Variants in SBF2 observed in about 807,000 individuals in gnomAD.
The protein encoded by SBF2 is myotubularin-related protein 13.
A neutral mutation model predicts 225.2 loss-of-function variants in SBF2; 112 were observed. That is an observed-to-expected ratio of 0.50 (90% CI 0.43 to 0.58). SBF2 has a LOEUF of 0.58. Among genes scored for constraint, SBF2 ranks in the 20% least tolerant of loss-of-function variants. The pLI is 0.00. For missense variants in SBF2, 1,996 were observed against 2,206.2 expected, an observed-to-expected ratio of 0.90 and a Z score of 1.91; for synonymous variants, 763 against 773.3, an observed-to-expected ratio of 0.99 and a Z score of 0.22.
chr11:10,207,240 C>T (rs896817250), intron 1 of SBF2, among the ~76,000 whole-genome samples: 10 of 151,910 alleles, frequency 6.6e-5, no homozygotes, highest in South Asian at 4.1e-4. Flanking sequence ...CTATTTCCCA[C>T]GAAACTACCC....
chr11:9,816,263 A>T (rs1298510301), intron 29 of SBF2, among the ~76,000 whole-genome samples: 1 of 152,212 alleles, frequency 6.6e-6, no homozygotes, highest in Non-Finnish European at 1.5e-5. Context: ...TAACAGTAAG[A>T]ATAAAGTTGA....
chr11:9,903,264 G>C (rs1861869818), intron 16 of SBF2, among the ~76,000 whole-genome samples: 1 of 152,134 alleles, frequency 6.6e-6, no homozygotes, highest in Admixed American at 6.5e-5. Flanking sequence ...AGAGCTTGCA[G>C]TGAGCCAAGA....
intron 2 of SBF2, among the ~76,000 whole-genome samples, chr11:10,140,359 T>C (rs974481236): frequency 4.6e-5 from 7 of 152,150 alleles, no homozygotes; most frequent in African/African-American, 1.7e-4. Flanking sequence ...GACTGGCAAT[T>C]GAGTTAATCA....
At chr11:9,871,199 G>A (rs1858705061) in intron 17 of SBF2, among the ~76,000 whole-genome samples, 1 of 151,932 alleles carries the variant, frequency 6.6e-6, no homozygotes, top group Non-Finnish European at 1.5e-5. Context: ...TATCATCAGA[G>A]TGAACAGAAA....
chr11:9,780,510 T>C lies in SBF2; in HGVS notation c.5458A>G (p.Thr1820Ala). ...CAGAAGTTATACACACGTTTGCTGG[T>C]CTTGAGCTACAAAACCAAATGACAG... is the stretch of plus-strand genomic sequence containing the variant. ...TSDKAFFDLKTSKRVYNFCAQ... is the reference protein window; with the variant it reads ...TSDKAFFDLKASKRVYNFCAQ... Residue 1820 changes from threonine to alanine, a missense_variant, in exon 40 of 40, where the codon ACC (threonine) becomes GCC (alanine). By Grantham distance (58) the Thr-to-Ala change is moderately conservative. Coordinates refer to ENST00000256190, the MANE Select transcript of SBF2 (RefSeq NM_030962.4). 1 of 1,614,100 alleles carries C rather than the reference T, an allele frequency of 6.2e-7. No individual in the cohort carries two copies. The highest frequency in any genetic ancestry group is 8.5e-7 in the Non-Finnish European group (1 of 1,179,964).
chr11:10,173,378 C>T (rs1049134603), intron 2 of SBF2, among the ~76,000 whole-genome samples: 2 of 152,312 alleles, frequency 1.3e-5, no homozygotes, highest in South Asian at 4.1e-4. Context: ...GTTCCCTTTC[C>T]TAGTCAAAGA....
intron 6 of SBF2, among the ~76,000 whole-genome samples, chr11:10,022,484 A>G (rs1217575935): frequency 6.6e-6 from 1 of 152,136 alleles, no homozygotes; most frequent in East Asian, 1.9e-4. Flanking sequence ...CAGATATAGA[A>G]AACCACACAA....
At chr11:9,808,260 C>T in intron 31 of SBF2, 75 bp from the exon 32 acceptor site, 2 of 1,271,424 alleles carry the variant, frequency 1.6e-6, no homozygotes, top group South Asian at 1.3e-5. Context: ...AAAGCACTTC[C>T]TTCTGATGAT....
At chr11:10,130,914 T>C (rs576622772) in intron 2 of SBF2, among the ~76,000 whole-genome samples, 1 of 152,314 alleles carries the variant, frequency 6.6e-6, no homozygotes, top group East Asian at 1.9e-4. Flanking sequence ...ATAGTATAGA[T>C]GTACCACAGT....
intron 19 of SBF2, among the ~76,000 whole-genome samples, chr11:9,854,972 T>C (rs1857209651): frequency 6.6e-6 from 1 of 152,196 alleles, no homozygotes; most frequent in Non-Finnish European, 1.5e-5. Flanking sequence ...AGAATGGAGA[T>C]AAAGCTGTGA....
chr11:10,237,358 AAAC>A (rs892236539), intron 1 of SBF2, among the ~76,000 whole-genome samples: 2 of 150,398 alleles, frequency 1.3e-5, no homozygotes, highest in African/African-American at 4.8e-5. Context: ...AAAAACACAA[AAAC>A]AACAACAACA....
chr11:9,862,136 T>C (rs939203748), intron 17 of SBF2, among the ~76,000 whole-genome samples: 1 of 152,218 alleles, frequency 6.6e-6, no homozygotes, highest in Non-Finnish European at 1.5e-5. Flanking sequence ...TCTCCTGATA[T>C]GTGCGTTAGA....
chr11:9,886,973 G>A (rs1194771680), intron 17 of SBF2, among the ~76,000 whole-genome samples: 1 of 152,062 alleles, frequency 6.6e-6, no homozygotes, highest in Non-Finnish European at 1.5e-5. Flanking sequence ...GTTGGCTTTT[G>A]TAGTCCTAAT....
chr11:9,805,907 C>A (rs542889937), intron 32 of SBF2, among the ~76,000 whole-genome samples: 2 of 152,326 alleles, frequency 1.3e-5, no homozygotes, highest in East Asian at 1.9e-4. Context: ...AGGCGTGAGC[C>A]ACCACGCCCG....
At chr11:10,261,329 G>A (rs553948382) in intron 1 of SBF2, among the ~76,000 whole-genome samples, 2 of 152,152 alleles carry the variant, frequency 1.3e-5, no homozygotes, top group South Asian at 4.2e-4. Flanking sequence ...CAACTTACCG[G>A]GTAGTGGGGA....
At chr11:9,846,016 C>G (rs1011187696) in intron 23 of SBF2, among the ~76,000 whole-genome samples, 21 of 152,174 alleles carry the variant, frequency 1.4e-4, no homozygotes, top group African/African-American at 4.3e-4. Flanking sequence ...GTATAGCAAA[C>G]ACGCCCTTCT....
chr11:9,807,913 C>G, intron 32 of SBF2, 87 bp downstream of exon 32: 2 of 1,170,802 alleles, frequency 1.7e-6, no homozygotes, highest in South Asian at 2.6e-5. Context: ...CAGGAAGGTA[C>G]CGGGCACACC....
chr11:10,011,290 G>A (rs568552595), intron 6 of SBF2, among the ~76,000 whole-genome samples: 1 of 152,098 alleles, frequency 6.6e-6, no homozygotes, highest in African/African-American at 2.4e-5. Context: ...ATAGTGGTGC[G>A]ATCTTGGCTC....
chr11:10,286,663 T>C (rs552370248), intron 1 of SBF2, among the ~76,000 whole-genome samples: 2 of 152,328 alleles, frequency 1.3e-5, no homozygotes, highest in African/African-American at 4.8e-5. Context: ...CAGCCTGTTT[T>C]TGTTTTTTGT....
Sources: gnomAD v4.1 joint callset for allele counts (sites outside exome capture counted in the v4.1 genomes callset) on GRCh38, gnomAD v4.1.1 for gene constraint, MANE v1.5 for transcripts, NCBI Gene and HGNC (gene_info 2026-07-23, HGNC 2026-07-21) for gene names.